SEC22C: variants seen among roughly 807,000 people sequenced by gnomAD.
The protein encoded by SEC22C is vesicle-trafficking protein SEC22c.
In SEC22C, 29 loss-of-function variants were observed where a neutral mutation model predicts 34.7. The observed-to-expected ratio is 0.84, with a 90% confidence interval of 0.62 to 1.14. The LOEUF (loss-of-function observed/expected upper bound fraction) is 1.14, where lower values mean the gene tolerates loss of function less well. Ranked by LOEUF, SEC22C falls within the 50% of genes most tolerant of loss-of-function variation. The pLI is 0.00. For missense variants in SEC22C, 337 were observed against 369.0 expected (o/e 0.91, Z 0.71); for synonymous variants, 117 against 132.8 (o/e 0.88, Z 0.82).
chr3:42,596,597 C>A (rs1420421483), intron 1 of SEC22C, among the ~76,000 whole-genome samples: 1 of 152,226 alleles, frequency 6.6e-6, no homozygotes, highest in Non-Finnish European at 1.5e-5. Flanking sequence ...TTGGTTGATA[C>A]TAGCCCTAGG....
intron 1 of SEC22C, chr3:42,595,120 A>C (rs1342708088): frequency 6.6e-6 from 1 of 152,236 alleles, no homozygotes; most frequent in Non-Finnish European, 1.5e-5. Context: ...CAAAATGAAT[A>C]GTGATTTCTA....
At chr3:42,577,362 A>G (rs973956993) in intron 1 of SEC22C, among the ~76,000 whole-genome samples, 2 of 152,220 alleles carry the variant, frequency 1.3e-5, no homozygotes, top group African/African-American at 4.8e-5. Flanking sequence ...TGTAAACCAC[A>G]TATCTGATAA....
chr3:42,568,834 A>C (rs1264973283), intron 2 of SEC22C, 31 bp downstream of exon 2: 1 of 1,601,794 alleles, frequency 6.2e-7, no homozygotes, highest in African/African-American at 1.3e-5. Flanking sequence ...AATTTTGCTA[A>C]TATTCTGAAA....
At chr3:42,565,922 T>C (rs939068138) in intron 2 of SEC22C, 12 of 454,648 alleles carry the variant, frequency 2.6e-5, no homozygotes, top group Admixed American at 1.4e-4. Context: ...GCGAAAATAA[T>C]GGTAAATATT....
chr3:42,557,740 T>G, intron 4 of SEC22C, 44 bp from the exon 5 acceptor site: 1 of 1,004,988 alleles, frequency 1.0e-6, no homozygotes, highest in Non-Finnish European at 1.6e-6. Flanking sequence ...AAGTAATTTC[T>G]ACATGAAAGA....
At chr3:42,559,062 A>T (rs1702720013) in intron 4 of SEC22C, among the ~76,000 whole-genome samples, 1 of 152,250 alleles carries the variant, frequency 6.6e-6, no homozygotes, top group Admixed American at 6.5e-5. Flanking sequence ...TAGAACTATA[A>T]TTAGAACAAA....
upstream of SEC22C, among the ~76,000 whole-genome samples, chr3:42,583,703 T>G (rs1704510456): frequency 6.6e-6 from 1 of 152,168 alleles, no homozygotes; most frequent in Non-Finnish European, 1.5e-5. Context: ...TCTGTCCTCA[T>G]CTAATATGCG....
At chr3:42,558,485 CA>C (rs769919883) in intron 4 of SEC22C, among the ~76,000 whole-genome samples, 308 of 97,668 alleles carry the variant, frequency 3.2e-3, no homozygotes, top group East Asian at 0.01. Flanking sequence ...GACCTTGTCT[CA>C]AAAAAAAAAA....
chr3:42,586,585 TA>T (rs35415799), upstream of SEC22C, among the ~76,000 whole-genome samples: 804 of 139,594 alleles, frequency 5.8e-3, 2 homozygotes, highest in African/African-American at 0.01. Context: ...AGTCACTGTT[TA>T]AAAAAAAAAA....
In SEC22C at chr3:42,550,114, T is replaced by C. The variant is rs1213877804; in HGVS notation, c.*3134A>G. On this transcript the variant is annotated 3_prime_UTR_variant, in exon 7 of 7. Coordinates refer to ENST00000264454, the MANE Select transcript of SEC22C (RefSeq NM_032970.4). ...AACCTTTTGGGCTCTGGCCCCGTGG[T>C]TGGGAAACCCTTCCTAAGAGCATGG... 3.3e-5 allele frequency: 33 copies of C among 985,374 alleles called. No individual in the cohort carries two copies. The highest frequency in any genetic ancestry group is 3.7e-5 in the Non-Finnish European group (31 of 829,980). The allele number at this position is 985,374 out of a possible 1,614,324, so 61.0% of individuals were successfully genotyped here.
At chr3:42,557,488 C>T (rs2271181) in intron 5 of SEC22C, 90 bp downstream of exon 5, 187,035 of 547,128 alleles carry the variant, frequency 0.34, 35,766 homozygotes, top group African/African-American at 0.66. Context: ...ATTATAAAAC[C>T]TCAGTTTTAT....
intron 1 of SEC22C, among the ~76,000 whole-genome samples, chr3:42,598,375 T>G (rs533864032): frequency 1.3e-5 from 2 of 151,442 alleles, no homozygotes; most frequent in Non-Finnish European, 2.9e-5. Context: ...TCACCCAGGC[T>G]GGAGTGCAGT....
At chr3:42,558,589 C>T (rs1702688149) in intron 4 of SEC22C, among the ~76,000 whole-genome samples, 2 of 151,046 alleles carry the variant, frequency 1.3e-5, no homozygotes, top group Non-Finnish European at 2.9e-5. Context: ...GAGTTCAAGA[C>T]CAGCCTGGGC....
intron 4 of SEC22C, among the ~76,000 whole-genome samples, chr3:42,560,190 T>TTA (rs1484926389): frequency 6.9e-6 from 1 of 145,432 alleles, no homozygotes; most frequent in Non-Finnish European, 1.5e-5. Context: ...AATATATATA[T>TTA]TATATATATA....
rs756814861 is a variant in SEC22C at position 42,553,245 on chromosome 3, T to C, written c.*3A>G. 4 of 1,613,894 alleles carry C rather than the reference T, an allele frequency of 2.5e-6. No homozygotes were observed. The Admixed American group carries it at 6.7e-5, about 27-fold the overall frequency. Reference sequence around the variant, plus strand: ...AAAGAATCCATTCATCACAGTGTCATCCTCATACTCCACAGTCAGACTGCT... The same window carrying C: ...AAAGAATCCATTCATCACAGTGTCACCCTCATACTCCACAGTCAGACTGCT... On this transcript the variant is annotated 3_prime_UTR_variant, in exon 7 of 7. Transcript: ENST00000264454.
chr3:42,550,689 T>G lies in SEC22C; in HGVS notation c.*2559A>C, dbSNP rs1306258881. 26 of 985,214 alleles carry G rather than the reference T, an allele frequency of 2.6e-5. No homozygotes were observed. Among genetic ancestry groups the G allele is most frequent in the Non-Finnish European group, 3.1e-5 (26 of 829,920 alleles). The allele number at this position is 985,214 out of a possible 1,614,324, so 61.0% of individuals were successfully genotyped here. A position where few individuals can be genotyped will look rare whatever the true frequency, so the allele number is the denominator to read the frequency against. ...CTGGTGTGGATAACATCTCTGGTAGTGCCTCGGTGGTCAGGAAGCATTACC... is the reference window on the plus strand; with the variant it reads ...CTGGTGTGGATAACATCTCTGGTAGGGCCTCGGTGGTCAGGAAGCATTACC... On this transcript the variant is annotated 3_prime_UTR_variant, in exon 7 of 7. Coordinates refer to ENST00000264454, the MANE Select transcript of SEC22C (RefSeq NM_032970.4).
rs530971888 is a variant in SEC22C, at chr3:42,549,167, T to C, written c.*4081A>G. ...ACACTCACAGGGCACAGGTAGAGCG[T>C]CCCCAGACCTGTGCAATATTCTACA... On this transcript the variant is annotated 3_prime_UTR_variant, in exon 7 of 7. Coordinates refer to ENST00000264454, the MANE Select transcript of SEC22C (RefSeq NM_032970.4). 2 of 989,636 alleles carry C rather than the reference T, an allele frequency of 2.0e-6. No homozygotes were observed. Among genetic ancestry groups the C allele is most frequent in the Non-Finnish European group, 1.2e-6 (1 of 832,192 alleles). The allele number at this position is 989,636 out of a possible 1,614,324, so 61.3% of individuals were successfully genotyped here. A position where few individuals can be genotyped will look rare whatever the true frequency, so the allele number is the denominator to read the frequency against.
upstream of SEC22C, among the ~76,000 whole-genome samples, chr3:42,585,570 G>A (rs879570689): frequency 1.3e-5 from 2 of 152,042 alleles, no homozygotes; most frequent in Admixed American, 6.6e-5. Context: ...AAGCTCCATC[G>A]AGTCTTCATT....
chr3:42,553,434 C>A lies in SEC22C; in HGVS notation c.726G>T (p.Leu242=). The A allele has an allele frequency of 6.2e-7, 1 of 1,613,970 alleles. No individual in the cohort carries two copies. Reference sequence around the variant, plus strand: ...TCATAGTCCTGGCTGGACTGTAGAACAGGTACAAATAACACTGAAATGAGA... The same window carrying A: ...TCATAGTCCTGGCTGGACTGTAGAAAAGGTACAAATAACACTGAAATGAGA... ...VACIFQCYLY[L]FYSPARTMKV... is the part of the protein sequence containing the mutation. Residue 242 remains leucine (L), a synonymous_variant, in exon 7 of 7, where the codon CTG becomes CTT. Transcript: ENST00000264454.
Sources: allele counts gnomAD v4.1 joint callset (sites outside exome capture counted in the v4.1 genomes callset), GRCh38; gene constraint gnomAD v4.1.1; transcripts MANE v1.5; gene names NCBI Gene and HGNC (gene_info 2026-07-23, HGNC 2026-07-21).